ZRANB3: variants seen among roughly 807,000 people sequenced by gnomAD.
ZRANB3 encodes DNA annealing helicase and endonuclease ZRANB3.
In ZRANB3, 125 loss-of-function variants were observed where a neutral mutation model predicts 133.8. The ratio of observed to expected loss-of-function variants is 0.93; its 90% CI spans 0.81 to 1.08. The LOEUF (loss-of-function observed/expected upper bound fraction) is 1.08, where lower values mean the gene tolerates loss of function less well. ZRANB3 is among the 50% of genes least tolerant of loss of function. The pLI is 0.00. For missense variants in ZRANB3, 1,229 were observed against 1,275.5 expected (o/e 0.96, Z 0.56); for synonymous variants, 387 against 432.7 (o/e 0.89, Z 1.31).
At chr2:135,312,552 A>G (rs1683048161) in intron 8 of ZRANB3, among the ~76,000 whole-genome samples, 1 of 152,164 alleles carries the variant, frequency 6.6e-6, no homozygotes, top group Non-Finnish European at 1.5e-5. Context: ...CAGTTACACT[A>G]ATTTTACTAA....
intron 2 of ZRANB3, among the ~76,000 whole-genome samples, chr2:135,438,572 T>C (rs553168971): frequency 1.3e-5 from 2 of 151,414 alleles, no homozygotes; most frequent in Admixed American, 6.6e-5. Flanking sequence ...TAAAAAGACA[T>C]AGTACGGAAG....
Position 135,353,630 on chromosome 2 carries a change from T to C in ZRANB3, c.181-2A>G, listed in dbSNP as rs1451749284. ...CTGGATTGTCTTTCCTAGACCCATC[T>C]AAATTAAAAAATAAATAAATGTTAA... On this transcript the variant is annotated splice_acceptor_variant, in intron 3 of 20. Transcript: ENST00000264159. LOFTEE classifies it high-confidence loss of function. The C allele has an allele frequency of 6.9e-7, 1 of 1,443,202 alleles. No individual in the cohort carries two copies. Among genetic ancestry groups the C allele is most frequent in the Non-Finnish European group, 9.1e-7 (1 of 1,094,198 alleles). 89.4% of individuals were successfully genotyped at this position (1,443,202 alleles called of 1,614,324 possible). A position where few individuals can be genotyped will look rare whatever the true frequency, so the allele number is the denominator to read the frequency against.
chr2:135,210,318 T>A (rs1694042023), intron 17 of ZRANB3, among the ~76,000 whole-genome samples: 1 of 151,630 alleles, frequency 6.6e-6, no homozygotes, highest in South Asian at 2.1e-4. Context: ...TGCTGATTAA[T>A]TCATTTTATT....
Position 135,255,982 on chromosome 2 carries a change from C to T in ZRANB3, c.1539+9552G>A, listed in dbSNP as rs192084247. Among the ~76,000 whole-genome samples, 45 of 150,458 alleles carry T rather than the reference C, an allele frequency of 3.0e-4. No individual in the cohort carries two copies. The East Asian group carries it at 8.0e-3, about 27-fold the overall frequency. ...AGGCTGGAGTGCAGTGGAGAAATCA[C>T]GGCTCACTACAGACTCGACCGCCCT... On this transcript the variant is annotated intron_variant, in intron 12 of 20. Transcript: ENST00000264159.
intron 15 of ZRANB3, among the ~76,000 whole-genome samples, chr2:135,221,414 G>T (rs1379834812): frequency 1.3e-5 from 2 of 152,118 alleles, no homozygotes; most frequent in African/African-American, 4.8e-5. Context: ...TGAGGTGGTC[G>T]CTGTGGTTTG....
At chr2:135,440,152 T>C (rs1272574744) in intron 2 of ZRANB3, among the ~76,000 whole-genome samples, 1 of 152,194 alleles carries the variant, frequency 6.6e-6, no homozygotes, top group East Asian at 1.9e-4. Context: ...CTCAAAATCA[T>C]ATTACTTTTA....
Position 135,200,301 on chromosome 2 carries a change from A to C in ZRANB3, c.*41T>G. On this transcript the variant is annotated 3_prime_UTR_variant, in exon 21 of 21. Coordinates refer to ENST00000264159, the MANE Select transcript of ZRANB3 (RefSeq NM_032143.4). ...GAAAACTTCTGTATTAAAGTCTTCC[A>C]CATGTAAACCATTTGTCATTCATTC... 1 of 1,492,624 alleles carries C rather than the reference A, an allele frequency of 6.7e-7. No individual in the cohort carries two copies. 92.5% of individuals were successfully genotyped at this position (1,492,624 alleles called of 1,614,324 possible). A position where few individuals can be genotyped will look rare whatever the true frequency, so the allele number is the denominator to read the frequency against.
intron 10 of ZRANB3, among the ~76,000 whole-genome samples, chr2:135,270,949 A>C (rs1346004888): frequency 6.6e-6 from 1 of 152,188 alleles, no homozygotes; most frequent in Non-Finnish European, 1.5e-5. Context: ...ACTTTCCCTA[A>C]TATCTATCCT....
intron 2 of ZRANB3, among the ~76,000 whole-genome samples, chr2:135,500,070 C>A (rs547468004): frequency 6.6e-6 from 1 of 152,260 alleles, no homozygotes; most frequent in South Asian, 2.1e-4. Context: ...CTGGAAAAGA[C>A]AATTCCTTCA....
intron 2 of ZRANB3, among the ~76,000 whole-genome samples, chr2:135,445,367 T>C (rs7564083): frequency 0.26 from 40,098 of 151,478 alleles, 8,801 homozygotes; most frequent in African/African-American, 0.59. Context: ...TCGCTTGAAC[T>C]CGGGAGGTGG....
chr2:135,330,514 G>GT (rs1431849631), intron 6 of ZRANB3, among the ~76,000 whole-genome samples: 12 of 151,920 alleles, frequency 7.9e-5, no homozygotes, highest in African/African-American at 2.4e-4. Context: ...CTAAAATTCT[G>GT]TTTTTTTGTC....
At chr2:135,329,997 C>T (rs1684057810) in intron 6 of ZRANB3, among the ~76,000 whole-genome samples, 1 of 152,168 alleles carries the variant, frequency 6.6e-6, no homozygotes, top group South Asian at 2.1e-4. Flanking sequence ...ATGTCATCTG[C>T]AAACAGGGAC....
At chr2:135,281,389 AG>A in intron 8 of ZRANB3, among the ~76,000 whole-genome samples, 1 of 151,832 alleles carries the variant, frequency 6.6e-6, no homozygotes, top group East Asian at 1.9e-4. Context: ...TCTTAGTCAC[AG>A]GTAAATTGTG....
intron 12 of ZRANB3, among the ~76,000 whole-genome samples, chr2:135,258,475 CA>C (rs1679774041): frequency 6.6e-6 from 1 of 152,162 alleles, no homozygotes. Flanking sequence ...GCAGGACTCT[CA>C]CCTTTGCTGA....
chr2:135,295,556 T>G (rs1307797535), intron 8 of ZRANB3, among the ~76,000 whole-genome samples: 1 of 152,218 alleles, frequency 6.6e-6, no homozygotes, highest in Non-Finnish European at 1.5e-5. Flanking sequence ...GTCTTTTAAT[T>G]GGAGCATTTA....
chr2:135,322,913 AG>A (rs1299725815), intron 6 of ZRANB3, among the ~76,000 whole-genome samples: 12 of 151,892 alleles, frequency 7.9e-5, no homozygotes, highest in African/African-American at 2.9e-4. Flanking sequence ...GCTACTTGGG[AG>A]GCTGAGACAT....
chr2:135,381,046 G>C lies in ZRANB3; in HGVS notation c.180+9756C>G, dbSNP rs1027524622. Among the ~76,000 whole-genome samples, 153 of 152,288 alleles carry C rather than the reference G, an allele frequency of 1.0e-3. 1 individual carries two copies. Among genetic ancestry groups the C allele is most frequent in the African/African-American group, 3.5e-3 (145 of 41,554 alleles). Reference sequence around the variant, plus strand: ...GTGCATTGAGCGTGAGCCTAAGCAGGGTAAGGCATCACCTCACCTGGAAGC... The same window carrying C: ...GTGCATTGAGCGTGAGCCTAAGCAGCGTAAGGCATCACCTCACCTGGAAGC... On this transcript the variant is annotated intron_variant, in intron 3 of 20. Coordinates refer to ENST00000264159, the MANE Select transcript of ZRANB3 (RefSeq NM_032143.4).
intron 2 of ZRANB3, among the ~76,000 whole-genome samples, chr2:135,480,939 T>C (rs1691767210): frequency 6.8e-6 from 1 of 147,860 alleles, no homozygotes; most frequent in South Asian, 2.2e-4. Flanking sequence ...ACAAAGGACA[T>C]GAACTCATCA....
intron 11 of ZRANB3, among the ~76,000 whole-genome samples, chr2:135,268,240 C>T (rs1371707386): frequency 2.6e-5 from 4 of 152,120 alleles, no homozygotes; most frequent in Admixed American, 1.3e-4. Flanking sequence ...TCTTAGCTCA[C>T]TGCAACCTCC....
Sources: allele counts gnomAD v4.1 joint callset (sites outside exome capture counted in the v4.1 genomes callset), GRCh38; gene constraint gnomAD v4.1.1; transcripts MANE v1.5; gene names NCBI Gene and HGNC (gene_info 2026-07-23, HGNC 2026-07-21).